SNAPC4: variants seen among roughly 807,000 people sequenced by gnomAD.
SNAPC4 encodes small nuclear RNA activating complex polypeptide 4.
SNAPC4 carries 127 observed loss-of-function variants against 151.3 expected under a neutral mutation model. The ratio of observed to expected loss-of-function variants is 0.84; its 90% CI spans 0.73 to 0.97. The LOEUF (loss-of-function observed/expected upper bound fraction) is 0.97. Among genes scored for constraint, SNAPC4 ranks in the 50% least tolerant of loss-of-function variants. The pLI, the probability that SNAPC4 is intolerant of heterozygous loss-of-function variation, is 0.00. For synonymous variants in SNAPC4, 1,002 were observed against 824.4 expected, an observed-to-expected ratio of 1.22 and a Z score of -3.69; for missense variants, 2,186 against 1,935.0, an observed-to-expected ratio of 1.13 and a Z score of -2.43.
chr9:136,387,040 C>A (rs1833913493), intron 13 of SNAPC4, among the ~76,000 whole-genome samples: 1 of 152,248 alleles, frequency 6.6e-6, no homozygotes, highest in Admixed American at 6.5e-5. Flanking sequence ...CCACTGCGCC[C>A]AGCTTCGGAA....
chr9:136,380,918 A>C, intron 19 of SNAPC4, 68 bp from the exon 20 acceptor site: 1 of 930,622 alleles, frequency 1.1e-6, no homozygotes, highest in Non-Finnish European at 1.7e-6. Context: ...CCAGAGGCCT[A>C]GGCAGAACCT....
intron 10 of SNAPC4, among the ~76,000 whole-genome samples, chr9:136,390,306 A>G (rs1168186624): frequency 2.0e-5 from 3 of 152,180 alleles, no homozygotes; most frequent in Non-Finnish European, 4.4e-5. Context: ...CTGTAATCCC[A>G]GCACTTTGGG....
At chr9:136,380,652 G>A (rs1168651342) in intron 20 of SNAPC4, 88 bp downstream of exon 20, 4 of 721,430 alleles carry the variant, frequency 5.5e-6, no homozygotes, top group Admixed American at 2.2e-5. Context: ...TGGAGCGGGT[G>A]GGGCGGGCAG....
chr9:136,376,810 A>G (rs763983000), intron 22 of SNAPC4, among the ~76,000 whole-genome samples: 1 of 151,960 alleles, frequency 6.6e-6, no homozygotes, highest in African/African-American at 2.4e-5. Context: ...GTCCTCCCCA[A>G]CTCTTGGACA....
chr9:136,378,827 G>C lies in SNAPC4; in HGVS notation c.3000C>G (p.Ala1000=). ...GGGCAGGGGCTTGGGAAGCAGCAGG[G>C]GCTGTGCCCTCGGCCTCTGAGAAGA... ...APVFSEAEGT[A]PAASQAPALG... is the part of the protein sequence containing the mutation. The change falls in exon 22 of 24, where the codon GCC becomes GCG. Residue 1000 remains alanine (A), a synonymous_variant. Transcript: ENST00000684778. 6.2e-7 allele frequency: 1 copy of C among 1,600,564 alleles called. No homozygotes were observed. Among genetic ancestry groups the C allele is most frequent in the Non-Finnish European group, 8.5e-7 (1 of 1,173,738 alleles).
Position 136,383,847 on chromosome 9 carries a change from A to C in SNAPC4, c.1500+106T>G. On this transcript the variant is annotated intron_variant, in intron 15 of 23. Transcript: ENST00000684778. The surrounding 1 kb of genome is among the most constrained non-coding windows in gnomAD (Gnocchi z 4.2). ...GCCACCCAGAAGAAGAAATGCCAAG[A>C]CCAGAAACCGAACGCCCCCCTCCCC... is the stretch of plus-strand genomic sequence containing the variant. 1 of 1,336,208 alleles carries C rather than the reference A, an allele frequency of 7.5e-7. No homozygotes were observed. The allele number at this position is 1,336,208 out of a possible 1,614,324, so 82.8% of individuals were successfully genotyped here. A position where few individuals can be genotyped will look rare whatever the true frequency, so the allele number is the denominator to read the frequency against.
At chr9:136,396,004 G>A (rs1352504911) in intron 3 of SNAPC4, among the ~76,000 whole-genome samples, 1 of 152,238 alleles carries the variant, frequency 6.6e-6, no homozygotes, top group African/African-American at 2.4e-5. Context: ...TCCACGGCAG[G>A]CAGAGCCTCC....
At chr9:136,397,105 C>G (rs1834300823) in intron 2 of SNAPC4, 82 bp from the exon 3 acceptor site, 4 of 1,235,568 alleles carry the variant, frequency 3.2e-6, no homozygotes. Context: ...GCTTCTTGGG[C>G]AGACCTGGGG....
intron 11 of SNAPC4, 99 bp from the exon 12 acceptor site, chr9:136,387,947 C>A (rs1279861660): frequency 6.7e-6 from 5 of 748,970 alleles, no homozygotes; most frequent in Admixed American, 3.9e-5. Context: ...GCCGAGACAC[C>A]CACCCTCCAG....
rs757765119 is a variant in SNAPC4 at position 136,395,625 on chromosome 9, A to C, written c.323T>G (p.Leu108Arg). The change falls in exon 4 of 24, where the codon CTG (leucine) becomes CGG (arginine). Residue 108 changes from leucine (L) to arginine (R), a missense_variant. Transcript: ENST00000684778. The part of the protein sequence containing the change: ...QEKLAEANLL[L>R]AQNREQQEEL... ...CACCTGCTGCTCCCGGTTCTGGGCC[A>C]GCAGCAGGTTGGCCTCAGCCAGCTT... The C allele has an allele frequency of 6.2e-7, 1 of 1,612,318 alleles. No individual in the cohort carries two copies. The highest frequency in any genetic ancestry group is 8.5e-7 in the Non-Finnish European group (1 of 1,179,626).
chr9:136,389,768 A>G (rs950991410), intron 10 of SNAPC4, among the ~76,000 whole-genome samples: 3 of 152,138 alleles, frequency 2.0e-5, no homozygotes, highest in Admixed American at 1.3e-4. Context: ...GGCGGGATTC[A>G]GAGCTGGGCC....
In SNAPC4 at chr9:136,383,422, ATGGC is replaced by A; in HGVS notation, c.1743_1746del (p.Gln581HisfsTer86). The A allele has an allele frequency of 6.4e-7, 1 of 1,566,886 alleles. No individual in the cohort carries two copies. The highest frequency in any genetic ancestry group is 8.7e-7 in the Non-Finnish European group (1 of 1,155,890). On this transcript the variant is annotated frameshift_variant, in exon 16 of 24. Transcript: ENST00000684778. LOFTEE classifies it high-confidence loss of function. The surrounding 1 kb of genome is among the most constrained non-coding windows in gnomAD (Gnocchi z 4.2). The stretch of plus-strand genomic sequence containing the variant: ...AGCCAGGCCCCTGCCCCTCCTCTCC[ATGGC>A]TGGCTGGTGCTCTGCCTGGCAGGAA...
intron 11 of SNAPC4, among the ~76,000 whole-genome samples, 182 bp from the exon 12 acceptor site, chr9:136,388,030 G>T (rs1464961118): frequency 2.0e-5 from 3 of 152,226 alleles, no homozygotes; most frequent in African/African-American, 7.2e-5. Context: ...CACTTTGGGA[G>T]GCAGAGGCTG....
intron 18 of SNAPC4, 117 bp downstream of exon 18, chr9:136,381,707 A>G: frequency 1.5e-6 from 2 of 1,346,560 alleles, no homozygotes; most frequent in Non-Finnish European, 1.0e-6. Flanking sequence ...CGCCCACCCC[A>G]AAAAGACTCC....
intron 6 of SNAPC4, 125 bp downstream of exon 6, chr9:136,394,675 G>T: frequency 1.2e-6 from 1 of 824,936 alleles, no homozygotes; most frequent in Non-Finnish European, 2.0e-6. Context: ...AGTGGTCAAG[G>T]CCTGAAGGAG....
At chr9:136,392,814 G>A (rs751290965) in intron 7 of SNAPC4, 37 bp from the exon 8 acceptor site, 40 of 1,561,128 alleles carry the variant, frequency 2.6e-5, no homozygotes, top group South Asian at 5.6e-5. Flanking sequence ...GCTGGGGCAC[G>A]AGGGCTGCGG....
At chr9:136,395,958 G>C (rs1037027495) in intron 3 of SNAPC4, among the ~76,000 whole-genome samples, 188 bp from the exon 4 acceptor site, 2 of 152,238 alleles carry the variant, frequency 1.3e-5, no homozygotes, top group Admixed American at 1.3e-4. Context: ...AGTGGAGCCT[G>C]TCACTCTCAA....
At chr9:136,380,944 C>T in intron 19 of SNAPC4, 94 bp from the exon 20 acceptor site, 1 of 721,060 alleles carries the variant, frequency 1.4e-6, no homozygotes. Context: ...AGCCCTGAGG[C>T]TGGGGCGGCT....
At position 136,395,363 on chromosome 9, in the gene SNAPC4, G is replaced by C. The variant is rs1395610737; in HGVS notation, c.406C>G (p.Leu136Val). 2 of 1,613,530 alleles carry C rather than the reference G, an allele frequency of 1.2e-6. No homozygotes were observed. The highest frequency in any genetic ancestry group is 2.2e-5 in the East Asian group (1 of 44,900). The change falls in exon 5 of 24, where the codon CTG (leucine) becomes GTG (valine). Residue 136 changes from leucine to valine, a missense_variant. Transcript: ENST00000684778. ...KGTKVKDGKS[L>V]PPSTYMGHFM... ...TGCCCCATGTATGTGCTTGGGGGCA[G>C]GCTTTTGCCATCTTTCACCTTGGTG...
Sources: gnomAD v4.1 joint callset for allele counts (sites outside exome capture counted in the v4.1 genomes callset) on GRCh38, gnomAD v4.1.1 for gene constraint, Gnocchi (gnomAD v3.1) non-coding constraint, MANE v1.5 for transcripts, NCBI Gene and HGNC (gene_info 2026-07-23, HGNC 2026-07-21) for gene names.